Variants in PLEKHA2 observed in about 807,000 individuals in gnomAD.
PLEKHA2 encodes pleckstrin homology domain containing A2.
Under a neutral mutation model 53.2 loss-of-function variants are expected in PLEKHA2, and 28 were observed. That is an observed-to-expected ratio of 0.53 (90% CI 0.39 to 0.72). The LOEUF (loss-of-function observed/expected upper bound fraction) is 0.72. PLEKHA2 is among the 30% of genes least tolerant of loss of function. PLEKHA2 has a pLI of 0.00. For missense variants in PLEKHA2, 426 were observed against 537.9 expected, an observed-to-expected ratio of 0.79 and a Z score of 2.06; for synonymous variants, 193 against 196.4, an observed-to-expected ratio of 0.98 and a Z score of 0.14.
At chr8:38,950,662 AG>A (rs1834816698) in intron 5 of PLEKHA2, 187 bp from the exon 6 acceptor site, 3 of 608,118 alleles carry the variant, frequency 4.9e-6, no homozygotes, top group South Asian at 2.4e-5. Flanking sequence ...GTATCTGTGT[AG>A]GGGGAGGGCG....
chr8:38,948,077 C>T (rs536999613), intron 5 of PLEKHA2, among the ~76,000 whole-genome samples: 5 of 136,002 alleles, frequency 3.7e-5, no homozygotes, highest in African/African-American at 1.4e-4. Flanking sequence ...CAGAGCAAGA[C>T]TCCATCTCAA....
At chr8:38,965,090 AG>A (rs1835111528) in intron 10 of PLEKHA2, among the ~76,000 whole-genome samples, 1 of 152,218 alleles carries the variant, frequency 6.6e-6, no homozygotes, top group South Asian at 2.1e-4. Flanking sequence ...ACTTGCAAAA[AG>A]GAAAACGGGG....
In PLEKHA2 at chr8:38,970,610, A is replaced by C. The variant is rs1475155649; in HGVS notation, c.*827A>C. On this transcript the variant is annotated 3_prime_UTR_variant, in exon 12 of 12. Coordinates refer to ENST00000617275, the MANE Select transcript of PLEKHA2 (RefSeq NM_021623.2). Reference sequence around the variant, plus strand: ...TCAGGAGTTCGAGATCAGCCTGGCCAACATGGTGAAACCCCGCCTCTACTA... The same window carrying C: ...TCAGGAGTTCGAGATCAGCCTGGCCCACATGGTGAAACCCCGCCTCTACTA... 2 of 162,824 alleles carry C rather than the reference A, an allele frequency of 1.2e-5. No homozygotes were observed. The highest frequency in any genetic ancestry group is 3.8e-4 in the East Asian group (2 of 5,312). 10.1% of individuals were successfully genotyped at this position (162,824 alleles called of 1,614,324 possible).
Position 38,970,842 on chromosome 8 carries a change from G to T in PLEKHA2, c.*1059G>T, listed in dbSNP as rs117796031. On this transcript the variant is annotated 3_prime_UTR_variant, in exon 12 of 12. Transcript: ENST00000617275. ...GAGTGTCCCACCCAAATTTTAGGGC[G>T]TACCTCCTTCCATTTGATAAGAAGA... 6.6e-6 allele frequency: 1 copy of T among 152,130 alleles called. No homozygotes were observed. The highest frequency in any genetic ancestry group is 2.4e-5 in the African/African-American group (1 of 41,416). The allele number at this position is 152,130 out of a possible 1,614,324, so 9.4% of individuals were successfully genotyped here.
intron 2 of PLEKHA2, among the ~76,000 whole-genome samples, chr8:38,919,114 A>G (rs570559562): frequency 6.6e-6 from 1 of 152,306 alleles, no homozygotes; most frequent in South Asian, 2.1e-4. Flanking sequence ...AAGTCCTAGA[A>G]TCCTGGATTG....
At chr8:38,963,598 G>C (rs1407137349) in intron 10 of PLEKHA2, among the ~76,000 whole-genome samples, 2 of 152,188 alleles carry the variant, frequency 1.3e-5, no homozygotes, top group African/African-American at 4.8e-5. Flanking sequence ...TATAGGCCAG[G>C]CCTGGTGGCT....
intron 5 of PLEKHA2, among the ~76,000 whole-genome samples, chr8:38,948,261 G>A (rs1177094810): frequency 6.6e-6 from 1 of 152,186 alleles, no homozygotes; most frequent in African/African-American, 2.4e-5. Flanking sequence ...CACAGAAAGT[G>A]AGAAAGAGTA....
chr8:38,951,026 G>A (rs1336714140), intron 6 of PLEKHA2, 36 bp downstream of exon 6: 1 of 1,598,944 alleles, frequency 6.3e-7, no homozygotes, highest in Non-Finnish European at 8.5e-7. Flanking sequence ...GGGGAGTGGG[G>A]GTGTGGAAGT....
intron 1 of PLEKHA2, 131 bp downstream of exon 1, chr8:38,901,576 C>G (rs2066250842): frequency 2.6e-5 from 4 of 152,136 alleles, no homozygotes; most frequent in Non-Finnish European, 5.9e-5. Flanking sequence ...GGCGCGCGCG[C>G]AGGGCTGAAT....
chr8:38,917,211 C>T (rs1423001055), intron 1 of PLEKHA2, among the ~76,000 whole-genome samples: 1 of 152,052 alleles, frequency 6.6e-6, no homozygotes, highest in African/African-American at 2.4e-5. Flanking sequence ...CGATTTTTCT[C>T]CCATTCTGTG....
At chr8:38,915,673 C>T (rs1405109356) in intron 1 of PLEKHA2, among the ~76,000 whole-genome samples, 3 of 152,182 alleles carry the variant, frequency 2.0e-5, no homozygotes, top group African/African-American at 4.8e-5. Context: ...TAATTCACCC[C>T]GTAACAATGA....
intron 3 of PLEKHA2, among the ~76,000 whole-genome samples, chr8:38,940,107 A>G (rs1266427064): frequency 6.8e-6 from 1 of 147,696 alleles, no homozygotes; most frequent in African/African-American, 2.5e-5. Context: ...AAAAAAAAAA[A>G]AAAAAAAGGG....
intron 10 of PLEKHA2, among the ~76,000 whole-genome samples, chr8:38,966,535 C>G (rs576351077): frequency 1.3e-5 from 2 of 152,178 alleles, no homozygotes; most frequent in Admixed American, 6.5e-5. Context: ...CCTTAGCCAG[C>G]GTTTGCTCTG....
chr8:38,903,109 G>A (rs1833817584), intron 1 of PLEKHA2, among the ~76,000 whole-genome samples: 1 of 152,270 alleles, frequency 6.6e-6, no homozygotes, highest in Non-Finnish European at 1.5e-5. Context: ...AAATGGCAGA[G>A]AAAAGAGCAG....
At chr8:38,961,798 G>C (rs1264569656) in intron 10 of PLEKHA2, among the ~76,000 whole-genome samples, 3 of 150,444 alleles carry the variant, frequency 2.0e-5, no homozygotes, top group African/African-American at 7.4e-5. Flanking sequence ...ACTTGGGTTA[G>C]ATTCTAACCA....
intron 2 of PLEKHA2, among the ~76,000 whole-genome samples, chr8:38,919,046 T>A (rs1282703388): frequency 1.3e-5 from 2 of 152,202 alleles, no homozygotes; most frequent in South Asian, 4.1e-4. Context: ...CAGCAGAGAA[T>A]GTGACCTGGT....
At chr8:38,934,189 G>A (rs1024352725) in intron 2 of PLEKHA2, among the ~76,000 whole-genome samples, 18 of 151,876 alleles carry the variant, frequency 1.2e-4, no homozygotes, top group African/African-American at 2.4e-4. Flanking sequence ...TTATAGAGAC[G>A]GCGTTTCACT....
In PLEKHA2 at chr8:38,971,478, T is replaced by G. The variant is rs995177786; in HGVS notation, c.*1695T>G. On this transcript the variant is annotated 3_prime_UTR_variant, in exon 12 of 12. Transcript: ENST00000617275. ...TTAGCTCTGGTTTTACTCTCGTATT[T>G]TCCCCAAGAAAATTTTTTGGCTATT... 1 of 152,240 alleles carries G rather than the reference T, an allele frequency of 6.6e-6. No homozygotes were observed. The highest frequency in any genetic ancestry group is 2.4e-5 in the African/African-American group (1 of 41,470). The allele number at this position is 152,240 out of a possible 1,614,324, so 9.4% of individuals were successfully genotyped here.
chr8:38,943,674 T>A (rs1045693933), intron 3 of PLEKHA2, 115 bp from the exon 4 acceptor site: 38 of 761,784 alleles, frequency 5.0e-5, no homozygotes, highest in Non-Finnish European at 7.2e-5. Flanking sequence ...TATTATTTTT[T>A]AAAAATGTAG....
Sources: gnomAD v4.1 joint callset for allele counts (sites outside exome capture counted in the v4.1 genomes callset) on GRCh38, gnomAD v4.1.1 for gene constraint, MANE v1.5 for transcripts, NCBI Gene and HGNC (gene_info 2026-07-23, HGNC 2026-07-21) for gene names.